The following RFESD variants were observed in gnomAD, a reference collection of about 807,000 sequenced individuals.
RFESD encodes the protein Rieske domain-containing protein.
A neutral mutation model predicts 24.4 loss-of-function variants in RFESD; 16 were observed. The observed-to-expected ratio is 0.66, with a 90% CI of 0.44 to 1.00. RFESD has a LOEUF of 1.00. Ranked by LOEUF, RFESD falls within the 50% of genes least tolerant of loss-of-function variation. The probability of loss-of-function intolerance (pLI) is 0.00; values close to 1 mark genes in which losing one functional copy is unlikely to be tolerated. For missense variants in RFESD, 208 were observed against 247.0 expected, an observed-to-expected ratio of 0.84 and a Z score of 1.06; for synonymous variants, 59 against 81.8, an observed-to-expected ratio of 0.72 and a Z score of 1.50.
intron 1 of RFESD, among the ~76,000 whole-genome samples, chr5:95,651,642 C>T (rs1047479109): frequency 6.6e-6 from 1 of 152,136 alleles, no homozygotes; most frequent in Non-Finnish European, 1.5e-5. Flanking sequence ...ATTGATTTTC[C>T]CACCCAGGCC....
chr5:95,654,353 T>G lies in RFESD; in HGVS notation c.355T>G (p.Leu119Val). Residue 119 changes from leucine (L) to valine (V), a missense_variant, in exon 5 of 6, where the codon TTG (leucine) becomes GTG (valine). Transcript: ENST00000380005. Reference protein sequence around the residue: ...RCYHSGGPLHLGDIEDFDGRP... With the variant: ...RCYHSGGPLHVGDIEDFDGRP... ...TTCAGACTCAGGAGGACCTTTACATTTGGGAGATATAGAGGTATGTAAAAT... is the reference window on the plus strand; with the variant it reads ...TTCAGACTCAGGAGGACCTTTACATGTGGGAGATATAGAGGTATGTAAAAT... 8 of 1,605,280 alleles carry G rather than the reference T, an allele frequency of 5.0e-6. No homozygotes were observed. Among genetic ancestry groups the G allele is most frequent in the Non-Finnish European group, 6.8e-6 (8 of 1,173,986 alleles).
intron 5 of RFESD, among the ~76,000 whole-genome samples, chr5:95,654,904 A>T (rs1469522804): frequency 1.3e-5 from 2 of 152,012 alleles, no homozygotes; most frequent in Non-Finnish European, 2.9e-5. Flanking sequence ...TTATTTTTAT[A>T]ATATAACAAA....
At chr5:95,652,576 TA>T in intron 2 of RFESD, 1 of 402,828 alleles carries the variant, frequency 2.5e-6, no homozygotes, top group Non-Finnish European at 4.3e-6. Context: ...TGCACAAACC[TA>T]AAACTTGGGA....
chr5:95,650,864 C>T (rs915008783), intron 1 of RFESD, among the ~76,000 whole-genome samples: 2 of 151,986 alleles, frequency 1.3e-5, no homozygotes, highest in Non-Finnish European at 2.9e-5. Flanking sequence ...ATTGGGAGGC[C>T]GAGGCGGGCG....
At chr5:95,648,451 A>C (rs1750191317) in intron 1 of RFESD, among the ~76,000 whole-genome samples, 1 of 152,214 alleles carries the variant, frequency 6.6e-6, no homozygotes, top group Non-Finnish European at 1.5e-5. Context: ...AGTTCATCAA[A>C]ATAACGATAA....
At chr5:95,652,057 T>A (rs1463990435) in intron 1 of RFESD, 80 bp from the exon 2 acceptor site, 1 of 435,042 alleles carries the variant, frequency 2.3e-6, no homozygotes, top group Non-Finnish European at 3.9e-6. Flanking sequence ...GTTTTCTTCA[T>A]GTATTATTTA....
chr5:95,652,215 G>C lies in RFESD; in HGVS notation c.-57G>C. The C allele has an allele frequency of 6.6e-7, 1 of 1,520,418 alleles. No homozygotes were observed. The highest frequency in any genetic ancestry group is 8.9e-7 in the Non-Finnish European group (1 of 1,126,582). 94.2% of individuals were successfully genotyped at this position (1,520,418 alleles called of 1,614,324 possible). A position where few individuals can be genotyped will look rare whatever the true frequency, so the allele number is the denominator to read the frequency against. ...AATGAATTTCATTTGATTAGCAATA[G>C]ATTGGACACTCTACTGATCTTGCCT... On this transcript the variant is annotated 5_prime_UTR_variant, in exon 2 of 6. Coordinates refer to ENST00000380005, the MANE Select transcript of RFESD (RefSeq NM_001131066.2).
chr5:95,655,577 A>G (rs1456040930), intron 5 of RFESD: 1 of 153,484 alleles, frequency 6.5e-6, no homozygotes, highest in Non-Finnish European at 1.4e-5. Flanking sequence ...GCACTTCACC[A>G]AGACAGTTAA....
chr5:95,654,892 T>G (rs1750640445), intron 5 of RFESD, among the ~76,000 whole-genome samples: 1 of 152,136 alleles, frequency 6.6e-6, no homozygotes, highest in South Asian at 2.1e-4. Flanking sequence ...AATGAGTATA[T>G]ATTATTTTTA....
In RFESD at chr5:95,656,297, G is replaced by C; in HGVS notation, c.621G>C (p.Lys207Asn). 6.2e-7 allele frequency: 1 copy of C among 1,604,006 alleles called. No individual in the cohort carries two copies. The highest frequency in any genetic ancestry group is 2.2e-5 in the East Asian group (1 of 44,812). ...FYATGDFKVI[K>N]SSS ...CCACTGGAGACTTCAAAGTAATTAA[G>C]AGTTCTTCCTGATAAAAAATATATA... Residue 207 changes from lysine to asparagine, a missense_variant, in exon 6 of 6, where the codon AAG becomes AAC. Transcript: ENST00000380005.
Position 95,648,892 on chromosome 5 carries a change from C to CTTT in RFESD, c.-136+2095_-136+2097dup, listed in dbSNP as rs35016122. Among the ~76,000 whole-genome samples the CTTT allele has an allele frequency of 3.1e-3, 228 of 72,386 alleles. 3 individuals are homozygous for CTTT. Among genetic ancestry groups the CTTT allele is most frequent in the African/African-American group, 6.4e-3 (126 of 19,586 alleles). The allele number at this position is 72,386 out of a possible 152,430, so 47.5% of individuals were successfully genotyped here. A position where few individuals can be genotyped will look rare whatever the true frequency, so the allele number is the denominator to read the frequency against. On this transcript the variant is annotated intron_variant, in intron 1 of 5. Transcript: ENST00000380005. ...ATTTCGTTACTTTTTGATAGTAGTG[C>CTTT]TTTTTTTTTTTTTTTTTTTTTTGGC... is the stretch of plus-strand genomic sequence containing the variant.
intron 5 of RFESD, 84 bp from the exon 6 acceptor site, chr5:95,655,962 C>A: frequency 7.6e-7 from 1 of 1,307,968 alleles, no homozygotes; most frequent in Non-Finnish European, 1.1e-6. Context: ...TTTTTTTAAC[C>A]TGGTTCTTCT....
intron 1 of RFESD, among the ~76,000 whole-genome samples, chr5:95,651,097 C>CAAAAAA (rs1006612798): frequency 6.2e-5 from 3 of 48,344 alleles, no homozygotes; most frequent in African/African-American, 1.6e-4. Context: ...GACTCCGTCT[C>CAAAAAA]AAAAAAAAAA....
chr5:95,656,211 A>G lies in RFESD; in HGVS notation c.535A>G (p.Asn179Asp). Residue 179 changes from asparagine (N) to aspartate (D), a missense_variant, in exon 6 of 6, where the codon AAC becomes GAC. By Grantham distance (23) the Asn-to-Asp change is conservative (BLOSUM62 1). Transcript: ENST00000380005. ...AAGGATTCACACAGTGACAGTAGAC[A>G]ACGGAAATATTTATGTGACTCTTTC... ...KQRIHTVTVD[N>D]GNIYVTLSNE... 6.2e-7 allele frequency: 1 copy of G among 1,614,026 alleles called. No individual in the cohort carries two copies. The highest frequency in any genetic ancestry group is 8.5e-7 in the Non-Finnish European group (1 of 1,179,870).
chr5:95,652,484 C>G (rs921362108), intron 2 of RFESD, 153 bp downstream of exon 2: 1 of 952,636 alleles, frequency 1.0e-6, no homozygotes, highest in Non-Finnish European at 1.4e-6. Context: ...ATATATATAG[C>G]TCTTGATTTT....
intron 2 of RFESD, 31 bp downstream of exon 2, chr5:95,652,362 C>T (rs994339062): frequency 2.6e-6 from 4 of 1,546,252 alleles, no homozygotes; most frequent in Non-Finnish European, 3.5e-6. Context: ...GACCTGGAAA[C>T]TCCCCAGTTT....
chr5:95,654,033 G>A (rs368328294), intron 3 of RFESD, 28 bp from the exon 4 acceptor site: 13 of 1,595,122 alleles, frequency 8.1e-6, no homozygotes, highest in Admixed American at 1.7e-5. Flanking sequence ...AATACTTCTT[G>A]TAACTTTCCT....
chr5:95,652,441 T>C, intron 2 of RFESD, 110 bp downstream of exon 2: 1 of 1,369,148 alleles, frequency 7.3e-7, no homozygotes, highest in African/African-American at 1.4e-5. Context: ...TACTTGGATG[T>C]CTCTGAGATA....
intron 1 of RFESD, chr5:95,647,536 A>G (rs1043542273): frequency 2.0e-5 from 3 of 152,190 alleles, no homozygotes; most frequent in African/African-American, 4.8e-5. Context: ...TCAACATCAT[A>G]CGATGGTGCT....
Sources: gnomAD v4.1 joint callset for allele counts (sites outside exome capture counted in the v4.1 genomes callset) on GRCh38, gnomAD v4.1.1 for gene constraint, MANE v1.5 for transcripts, NCBI Gene and HGNC (gene_info 2026-07-23, HGNC 2026-07-21) for gene names.